Variants in SPOCK1 observed in about 807,000 individuals in gnomAD.
SPOCK1 encodes the protein testican-1.
In SPOCK1, 23 loss-of-function variants were observed where a neutral mutation model predicts 55.3. That is an observed-to-expected ratio of 0.42 (90% CI 0.30 to 0.59). The LOEUF (loss-of-function observed/expected upper bound fraction) is 0.59, where lower values mean the gene tolerates loss of function less well. SPOCK1 is among the 20% of genes least tolerant of loss of function. The pLI, the probability that SPOCK1 is intolerant of heterozygous loss-of-function variation, is 0.22. For synonymous variants in SPOCK1, 226 were observed against 221.0 expected, an observed-to-expected ratio of 1.02 and a Z score of -0.20; for missense variants, 499 against 552.5, an observed-to-expected ratio of 0.90 and a Z score of 0.97.
chr5:137,429,336 T>C, intron 2 of SPOCK1, among the ~76,000 whole-genome samples: 1 of 152,222 alleles, frequency 6.6e-6, no homozygotes, highest in South Asian at 2.1e-4. Context: ...CTCTGTGAAA[T>C]GTTTCCAGCT....
rs149945847 is a variant in SPOCK1, at chr5:136,978,893, G to T, written c.1130-49C>A. ...AGGTTAGTTTCCACTTATACCTCAT[G>T]ACCCACGTCAGGGGTTCCTTTGCCT... On this transcript the variant is annotated intron_variant, in intron 10 of 10. Coordinates refer to ENST00000394945, the MANE Select transcript of SPOCK1 (RefSeq NM_004598.4). 3.6e-4 allele frequency: 548 copies of T among 1,538,150 alleles called. 3 individuals are homozygous for T. The highest frequency in any genetic ancestry group is 3.0e-3 in the South Asian group (233 of 77,858).
chr5:137,319,403 T>C (rs966847280), intron 2 of SPOCK1, among the ~76,000 whole-genome samples: 2 of 152,216 alleles, frequency 1.3e-5, no homozygotes, highest in Non-Finnish European at 2.9e-5. Flanking sequence ...CTAACACATT[T>C]TTCCAATATG....
intron 2 of SPOCK1, among the ~76,000 whole-genome samples, chr5:137,291,981 C>A (rs1170306162): frequency 1.3e-5 from 2 of 152,158 alleles, no homozygotes; most frequent in Non-Finnish European, 2.9e-5. Context: ...CTTGGAACTG[C>A]CAGAGAAGAT....
chr5:137,370,537 C>T (rs1020039116), intron 2 of SPOCK1, among the ~76,000 whole-genome samples: 1 of 152,188 alleles, frequency 6.6e-6, no homozygotes, highest in Admixed American at 6.5e-5. Flanking sequence ...CCTTGAAAGG[C>T]AGCTGCTCCA....
intron 3 of SPOCK1, among the ~76,000 whole-genome samples, chr5:137,180,475 T>C (rs1400169231): frequency 3.3e-5 from 5 of 152,100 alleles, no homozygotes; most frequent in African/African-American, 1.2e-4. Context: ...AGTATCCCAT[T>C]TCACAGGAGG....
At chr5:137,257,588 C>A (rs1273090960) in intron 3 of SPOCK1, among the ~76,000 whole-genome samples, 1 of 152,178 alleles carries the variant, frequency 6.6e-6, no homozygotes, top group Admixed American at 6.5e-5. Context: ...GTAGGCCACC[C>A]GGTCTATGGT....
intron 6 of SPOCK1, among the ~76,000 whole-genome samples, chr5:137,027,589 T>C (rs1206550047): frequency 2.0e-5 from 3 of 152,306 alleles, no homozygotes; most frequent in African/African-American, 7.2e-5. Context: ...TTTTAATTCA[T>C]TTTAATAGCC....
intron 2 of SPOCK1, among the ~76,000 whole-genome samples, chr5:137,452,283 T>A (rs1346731927): frequency 6.6e-6 from 1 of 152,190 alleles, no homozygotes; most frequent in Non-Finnish European, 1.5e-5. Flanking sequence ...TTAGATGAGC[T>A]TTTTTGCCAA....
chr5:137,311,740 G>A (rs2127142605), intron 2 of SPOCK1, among the ~76,000 whole-genome samples: 1 of 152,044 alleles, frequency 6.6e-6, no homozygotes, highest in East Asian at 1.9e-4. Context: ...CTCCCAGGAA[G>A]AATCACTGTT....
chr5:137,217,669 A>G (rs1755744678), intron 3 of SPOCK1, among the ~76,000 whole-genome samples: 1 of 152,228 alleles, frequency 6.6e-6, no homozygotes, highest in Non-Finnish European at 1.5e-5. Context: ...TACTCACTGT[A>G]CTTCTTATAT....
intron 5 of SPOCK1, among the ~76,000 whole-genome samples, chr5:137,079,141 C>T (rs1752829079): frequency 6.6e-6 from 1 of 152,194 alleles, no homozygotes; most frequent in East Asian, 1.9e-4. Context: ...GTACTTCTAG[C>T]ACCTGCCCAC....
At chr5:137,208,132 G>A (rs1198483232) in intron 3 of SPOCK1, among the ~76,000 whole-genome samples, 2 of 152,054 alleles carry the variant, frequency 1.3e-5, no homozygotes. Flanking sequence ...TATTTTGACT[G>A]GCTTAACCTC....
intron 5 of SPOCK1, among the ~76,000 whole-genome samples, chr5:137,104,612 C>T (rs1045356868): frequency 6.6e-6 from 1 of 152,138 alleles, no homozygotes; most frequent in Non-Finnish European, 1.5e-5. Flanking sequence ...CTGAGCTCCG[C>T]TTCGTGTCAC....
intron 5 of SPOCK1, among the ~76,000 whole-genome samples, chr5:137,106,126 C>G (rs1015715605): frequency 2.2e-4 from 33 of 148,942 alleles, no homozygotes; most frequent in Non-Finnish European, 1.5e-5. Context: ...CCCCACCCCC[C>G]ACCACAACCA....
At chr5:137,352,923 A>G (rs919672855) in intron 2 of SPOCK1, among the ~76,000 whole-genome samples, 1 of 152,232 alleles carries the variant, frequency 6.6e-6, no homozygotes, top group African/African-American at 2.4e-5. Context: ...TCTCTCAGAC[A>G]CATACAATTA....
chr5:137,098,918 G>A (rs1354590633), intron 5 of SPOCK1, among the ~76,000 whole-genome samples: 4 of 152,156 alleles, frequency 2.6e-5, no homozygotes, highest in South Asian at 2.1e-4. Flanking sequence ...TGGCTCCTCC[G>A]GCTGCTGCTC....
intron 2 of SPOCK1, among the ~76,000 whole-genome samples, chr5:137,437,513 T>G (rs1176375013): frequency 6.6e-6 from 1 of 152,212 alleles, no homozygotes; most frequent in Non-Finnish European, 1.5e-5. Context: ...TTAGAACATT[T>G]TTATCACCTC....
At chr5:137,300,172 A>G (rs748960528) in intron 2 of SPOCK1, among the ~76,000 whole-genome samples, 10 of 152,044 alleles carry the variant, frequency 6.6e-5, no homozygotes, top group Admixed American at 3.9e-4. Context: ...GCCATTTCCA[A>G]ACTACTCTGG....
At chr5:137,363,426 T>C (rs1750992311) in intron 2 of SPOCK1, among the ~76,000 whole-genome samples, 1 of 152,246 alleles carries the variant, frequency 6.6e-6, no homozygotes, top group Non-Finnish European at 1.5e-5. Context: ...AACTGCAGCC[T>C]GAGAAGCTCT....
Sources: allele counts gnomAD v4.1 joint callset (sites outside exome capture counted in the v4.1 genomes callset), GRCh38; gene constraint gnomAD v4.1.1; transcripts MANE v1.5; gene names NCBI Gene and HGNC (gene_info 2026-07-23, HGNC 2026-07-21).